Variants in SLC35F4 observed in about 807,000 individuals in gnomAD.
SLC35F4 encodes the protein solute carrier family 35 member F4.
A neutral mutation model predicts 44.2 loss-of-function variants in SLC35F4; 24 were observed. That is an observed-to-expected ratio of 0.54 (90% confidence interval 0.39 to 0.76). SLC35F4 has a LOEUF of 0.76. Ranked by LOEUF, SLC35F4 falls within the 30% of genes least tolerant of loss-of-function variation. The pLI is 0.00. For synonymous variants in SLC35F4, 238 were observed against 223.6 expected (o/e 1.06, Z -0.57); for missense variants, 562 against 586.1 (o/e 0.96, Z 0.42).
At chr14:57,756,645 T>G (rs944017268) in intron 1 of SLC35F4, among the ~76,000 whole-genome samples, 3 of 151,984 alleles carry the variant, frequency 2.0e-5, no homozygotes, top group African/African-American at 4.8e-5. Flanking sequence ...TGACTTTTTA[T>G]CTACTTGTTC....
At chr14:57,906,631 T>A (rs1404533121) in intron 1 of SLC35F4, among the ~76,000 whole-genome samples, 5 of 152,216 alleles carry the variant, frequency 3.3e-5, no homozygotes, top group Non-Finnish European at 5.9e-5. Flanking sequence ...TATTCAAATT[T>A]TCAATAAATG....
chr14:57,903,259 G>A lies in SLC35F4; in HGVS notation n.282+78654C>T, dbSNP rs188306465. ...TGTAGCCAAGGAACAGGGGAAAGGG[G>A]ATCAACAGATGGAAAATTCTTAAGA... On this transcript the variant is annotated intron_variant and non_coding_transcript_variant, in intron 1 of 1. Transcript: ENST00000556568. 3.9e-5 allele frequency among the ~76,000 whole-genome samples: 6 copies of A among 152,274 alleles called. No homozygotes were observed. In the East Asian group the frequency reaches 1.2e-3, roughly 29 times the overall value.
intron 1 of SLC35F4, among the ~76,000 whole-genome samples, chr14:57,855,638 T>C (rs911624924): frequency 6.6e-6 from 1 of 152,196 alleles, no homozygotes; most frequent in African/African-American, 2.4e-5. Context: ...TGGCGATTCC[T>C]CAAGGATCTA....
chr14:57,746,170 A>C (rs951686229), intron 1 of SLC35F4, among the ~76,000 whole-genome samples: 2 of 152,166 alleles, frequency 1.3e-5, no homozygotes, highest in African/African-American at 4.8e-5. Context: ...CCAACATGGC[A>C]CATGTATACA....
chr14:57,820,928 A>C (rs1883110922), intron 1 of SLC35F4, among the ~76,000 whole-genome samples: 1 of 152,260 alleles, frequency 6.6e-6, no homozygotes, highest in South Asian at 2.1e-4. Flanking sequence ...AAAAAGAGAA[A>C]GCTTGCTATC....
At chr14:57,585,694 A>C (rs1452644889) in intron 3 of SLC35F4, among the ~76,000 whole-genome samples, 1 of 152,210 alleles carries the variant, frequency 6.6e-6, no homozygotes, top group East Asian at 1.9e-4. Context: ...CCTATACACC[A>C]GTAATAGCCA....
intron 1 of SLC35F4, among the ~76,000 whole-genome samples, chr14:57,650,877 C>T (rs78087251): frequency 1.3e-5 from 2 of 152,084 alleles, no homozygotes; most frequent in Non-Finnish European, 2.9e-5. Context: ...TGTGCTGTTC[C>T]CTGTGCCTGG....
chr14:57,814,923 A>C (rs1326671466), intron 1 of SLC35F4, among the ~76,000 whole-genome samples: 6 of 152,206 alleles, frequency 3.9e-5, no homozygotes, highest in Non-Finnish European at 7.3e-5. Context: ...CCAGATACAA[A>C]CATCTCAGTG....
chr14:57,946,850 G>A (rs1334109876), intron 1 of SLC35F4, among the ~76,000 whole-genome samples: 1 of 152,136 alleles, frequency 6.6e-6, no homozygotes, highest in African/African-American at 2.4e-5. Context: ...GTACCAGGCT[G>A]TTTTGCTAAC....
intron 1 of SLC35F4, among the ~76,000 whole-genome samples, chr14:57,640,033 CAATAT>C (rs887443853): frequency 1.3e-5 from 2 of 151,974 alleles, no homozygotes; most frequent in African/African-American, 2.4e-5. Context: ...CCTCTCCTCT[CAATAT>C]AATATTTCCT....
In SLC35F4 at chr14:57,589,389, T is replaced by C. The variant is rs1201925572; in HGVS notation, c.414A>G (p.Val138=). The C allele has an allele frequency of 6.2e-7, 1 of 1,613,980 alleles. No individual in the cohort carries two copies. Among genetic ancestry groups the C allele is most frequent in the Non-Finnish European group, 8.5e-7 (1 of 1,179,892 alleles). ...GTGTAGTTCCAACCCAAGATGATGA[T>C]ACTGACAAGATGATCAAGAGTCCCC... ...GIWGLLIILS[V]SSSWVGTTQI... Residue 138 remains valine, a synonymous_variant, in exon 3 of 8, where the codon GTA becomes GTG. Transcript: ENST00000556826.
downstream of SLC35F4, among the ~76,000 whole-genome samples, chr14:57,972,597 AG>A (rs976804223): frequency 1.4e-4 from 21 of 152,190 alleles, no homozygotes; most frequent in African/African-American, 5.1e-4. Context: ...AGAGGCTCAA[AG>A]GGTTGGAGTT....
rs150869389 is a variant in SLC35F4, at chr14:57,694,148, G to A, written c.104-100024C>T. 2.1e-4 allele frequency among the ~76,000 whole-genome samples: 32 copies of A among 152,248 alleles called. No homozygotes were observed. In the East Asian group the frequency reaches 6.2e-3, roughly 29 times the overall value. On this transcript the variant is annotated intron_variant, in intron 1 of 7. Transcript: ENST00000556826. ...ATAGAACATTGGGAGTACCTGAGAT[G>A]ATCTCTTCATACCCTCTTGAAATCC...
chr14:57,720,637 AG>A (rs1171853913), intron 1 of SLC35F4, among the ~76,000 whole-genome samples: 1 of 152,072 alleles, frequency 6.6e-6, no homozygotes, highest in Non-Finnish European at 1.5e-5. Context: ...ATTGGATTGA[AG>A]GAGGCAAAGT....
chr14:57,803,128 C>G (rs2140861409), intron 1 of SLC35F4, among the ~76,000 whole-genome samples: 1 of 152,194 alleles, frequency 6.6e-6, no homozygotes, highest in South Asian at 2.1e-4. Flanking sequence ...TCTTCATCCC[C>G]AGGATTCAAG....
intron 1 of SLC35F4, among the ~76,000 whole-genome samples, chr14:57,828,913 G>A (rs1884069614): frequency 6.6e-6 from 1 of 152,108 alleles, no homozygotes; most frequent in Admixed American, 6.6e-5. Flanking sequence ...CTCACCCACG[G>A]GACACTTTTT....
At chr14:57,944,196 AGG>A (rs1156909132) in intron 1 of SLC35F4, among the ~76,000 whole-genome samples, 16 of 152,174 alleles carry the variant, frequency 1.1e-4, no homozygotes, top group Admixed American at 3.3e-4. Context: ...TGACCAAAAG[AGG>A]GTCTTCTATT....
chr14:57,617,828 G>T (rs561764509), intron 1 of SLC35F4, among the ~76,000 whole-genome samples: 1 of 152,248 alleles, frequency 6.6e-6, no homozygotes, highest in African/African-American at 2.4e-5. Flanking sequence ...GGGAACCTGG[G>T]ACTTACTGAA....
chr14:57,618,261 G>T (rs2071967942), intron 1 of SLC35F4, among the ~76,000 whole-genome samples: 1 of 152,194 alleles, frequency 6.6e-6, no homozygotes, highest in Non-Finnish European at 1.5e-5. Context: ...GGCCAAATAG[G>T]AATAGCACTG....
Sources: gnomAD v4.1 joint callset for allele counts (sites outside exome capture counted in the v4.1 genomes callset) on GRCh38, gnomAD v4.1.1 for gene constraint, MANE v1.5 for transcripts, NCBI Gene and HGNC (gene_info 2026-07-23, HGNC 2026-07-21) for gene names.